Variants in KLF8 observed in about 807,000 individuals in gnomAD.
KLF8 encodes KLF transcription factor 8, also known as Krueppel-like factor 8.
A neutral mutation model predicts 18.2 loss-of-function variants in KLF8; 10 were observed. The observed-to-expected ratio is 0.55, with a 90% CI of 0.34 to 0.93. The LOEUF (loss-of-function observed/expected upper bound fraction) is 0.93. Ranked by LOEUF, KLF8 falls within the 40% of genes least tolerant of loss-of-function variation. The pLI, the probability that KLF8 is intolerant of heterozygous loss-of-function variation, is 0.02. For missense variants in KLF8, 264 were observed against 277.9 expected, an observed-to-expected ratio of 0.95 and a Z score of 0.36; for synonymous variants, 109 against 97.3, an observed-to-expected ratio of 1.12 and a Z score of -0.71.
chrX:56,244,376 TG>T (rs1321523658), intron 1 of KLF8, among the ~76,000 whole-genome samples: 4 of 110,836 alleles, frequency 3.6e-5, no homozygotes, highest in Admixed American at 2.9e-4. Flanking sequence ...TTGGTAGAGA[TG>T]GGGTCTCACT....
the KLF8 span, among the ~76,000 whole-genome samples, chrX:55,936,145 T>C: frequency 8.9e-6 from 1 of 112,041 alleles, no homozygotes; most frequent in Admixed American, 9.5e-5. Flanking sequence ...ATACTAAACC[T>C]GTTAAAATTT....
the KLF8 span, among the ~76,000 whole-genome samples, chrX:55,976,045 G>A: frequency 8.9e-6 from 1 of 111,784 alleles, no homozygotes; most frequent in Non-Finnish European, 1.9e-5. Flanking sequence ...GGAGGTGGAA[G>A]TTGCGGTGAG....
chrX:56,168,002 T>C, the KLF8 span, among the ~76,000 whole-genome samples: 1 of 111,948 alleles, frequency 8.9e-6, no homozygotes, highest in Non-Finnish European at 1.9e-5. Context: ...TCTCCACATA[T>C]TTTTCCACCA....
At chrX:56,101,781 G>C in the KLF8 span, among the ~76,000 whole-genome samples, 1 of 111,689 alleles carries the variant, frequency 9.0e-6, no homozygotes, top group Non-Finnish European at 1.9e-5. Flanking sequence ...TCCTTTGCCT[G>C]TTTTTTAATA....
chrX:56,027,907 G>T, the KLF8 span, among the ~76,000 whole-genome samples: 1 of 112,512 alleles, frequency 8.9e-6, no homozygotes, highest in Non-Finnish European at 1.9e-5. Flanking sequence ...AGCCAATGGT[G>T]TCCTTTGGTA....
the KLF8 span, among the ~76,000 whole-genome samples, chrX:55,960,452 T>A: frequency 9.0e-6 from 1 of 110,636 alleles, no homozygotes; most frequent in East Asian, 2.9e-4. Flanking sequence ...GGGGCAGAGG[T>A]TGCGGTGAGC....
chrX:56,058,295 T>C, the KLF8 span, among the ~76,000 whole-genome samples: 102 of 67,507 alleles, frequency 1.5e-3, 3 homozygotes, highest in African/African-American at 5.2e-3. Flanking sequence ...TATATATATA[T>C]ATATATATAT....
chrX:56,011,834 G>T, the KLF8 span, among the ~76,000 whole-genome samples: 1 of 111,869 alleles, frequency 8.9e-6, no homozygotes, highest in Non-Finnish European at 1.9e-5. Flanking sequence ...ACACCTGAAT[G>T]CAAATAAACT....
chrX:56,092,813 T>C, the KLF8 span, among the ~76,000 whole-genome samples: 3 of 109,371 alleles, frequency 2.7e-5, no homozygotes, highest in African/African-American at 9.9e-5. Flanking sequence ...TGCAAGACTG[T>C]CTGAGTAATG....
chrX:56,033,393 C>A, the KLF8 span, among the ~76,000 whole-genome samples: 130 of 111,618 alleles, frequency 1.2e-3, no homozygotes, highest in African/African-American at 3.9e-3. Flanking sequence ...TGTATACATA[C>A]TGCATTTTCT....
At chrX:56,124,598 G>A in the KLF8 span, among the ~76,000 whole-genome samples, 7 of 111,582 alleles carry the variant, frequency 6.3e-5, no homozygotes, top group South Asian at 2.7e-3. Context: ...GGAGTCTTCT[G>A]CATCATTGCC....
At chrX:56,155,469 C>T in the KLF8 span, among the ~76,000 whole-genome samples, 34 of 109,890 alleles carry the variant, frequency 3.1e-4, no homozygotes, top group East Asian at 8.7e-3. Flanking sequence ...GTGGAGGAAG[C>T]GGGGAGGGAT....
At chrX:56,174,601 C>G in the KLF8 span, among the ~76,000 whole-genome samples, 1 of 111,687 alleles carries the variant, frequency 9.0e-6, no homozygotes, top group Non-Finnish European at 1.9e-5. Context: ...CAGGATGATG[C>G]TGGCCTCATA....
the KLF8 span, among the ~76,000 whole-genome samples, chrX:55,935,842 C>T: frequency 3.6e-5 from 4 of 111,521 alleles, no homozygotes; most frequent in Non-Finnish European, 7.5e-5. Flanking sequence ...TACATATATA[C>T]TAAAAGTATA....
At chrX:56,019,173 G>T in the KLF8 span, among the ~76,000 whole-genome samples, 647 of 112,233 alleles carry the variant, frequency 5.8e-3, 4 homozygotes, top group African/African-American at 0.02. Flanking sequence ...GTAACAGCCA[G>T]TTGTATATGA....
the KLF8 span, among the ~76,000 whole-genome samples, chrX:56,045,712 C>T: frequency 9.0e-6 from 1 of 111,661 alleles, no homozygotes; most frequent in South Asian, 3.7e-4. Flanking sequence ...TGCTAGGTCA[C>T]TGTTAGTGTA....
chrX:56,138,694 A>T, the KLF8 span, among the ~76,000 whole-genome samples: 1 of 111,521 alleles, frequency 9.0e-6, no homozygotes, highest in Non-Finnish European at 1.9e-5. Flanking sequence ...TCTCTGACAG[A>T]CCCACAGCCA....
At chrX:55,994,921 G>C in the KLF8 span, among the ~76,000 whole-genome samples, 1 of 111,892 alleles carries the variant, frequency 8.9e-6, no homozygotes, top group East Asian at 2.8e-4. Flanking sequence ...GCTGAAGTCT[G>C]TTAGGTTCAT....
At chrX:55,972,574 A>G in the KLF8 span, among the ~76,000 whole-genome samples, 335 of 111,529 alleles carry the variant, frequency 3.0e-3, 3 homozygotes, top group African/African-American at 0.011. Context: ...GCTTGAGGTG[A>G]TGAATACTAC....
Sources: allele counts gnomAD v4.1 joint callset (sites outside exome capture counted in the v4.1 genomes callset), GRCh38; gene constraint gnomAD v4.1.1; transcripts MANE v1.5; gene names NCBI Gene and HGNC (gene_info 2026-07-23, HGNC 2026-07-21).